Variants in GMDS observed in about 807,000 individuals in gnomAD.
GMDS encodes GDP-mannose 4,6 dehydratase.
In GMDS, 20 loss-of-function variants were observed where a neutral mutation model predicts 49.9. That is an observed-to-expected ratio of 0.40 (90% CI 0.28 to 0.58). The LOEUF is 0.58. Ranked by LOEUF, GMDS falls within the 20% of genes least tolerant of loss-of-function variation. GMDS has a pLI of 0.42. For missense variants in GMDS, 362 were observed against 481.4 expected (o/e 0.75, Z 2.32); for synonymous variants, 177 against 178.6 (o/e 0.99, Z 0.07).
rs76456177 is a variant in GMDS, at chr6:1,937,894, T to A, written c.644-7664A>T. Among the ~76,000 whole-genome samples, 10 of 152,272 alleles carry A rather than the reference T, an allele frequency of 6.6e-5. No individual in the cohort carries two copies. The East Asian group carries it at 1.7e-3, about 26-fold the overall frequency. On this transcript the variant is annotated intron_variant, in intron 6 of 10. Transcript: ENST00000380815. ...AACGAAGGTTTAGAATATTTGAGGC[T>A]AGGTGCGGTGGCTCATGCCTATAAT...
intron 7 of GMDS, among the ~76,000 whole-genome samples, chr6:1,871,087 C>T (rs1372672684): frequency 6.6e-6 from 1 of 150,870 alleles, no homozygotes; most frequent in Non-Finnish European, 1.5e-5. Context: ...CACACACACA[C>T]TTAAACCACT....
intron 4 of GMDS, among the ~76,000 whole-genome samples, chr6:1,989,150 A>G (rs1025519204): frequency 6.6e-6 from 1 of 152,252 alleles, no homozygotes; most frequent in African/African-American, 2.4e-5. Flanking sequence ...GGAATTTAGG[A>G]AAGTCCTACA....
chr6:2,019,874 T>C, intron 4 of GMDS, among the ~76,000 whole-genome samples: 1 of 152,214 alleles, frequency 6.6e-6, no homozygotes, highest in East Asian at 1.9e-4. Context: ...TCTACTGATA[T>C]GCTATATTAC....
chr6:1,957,708 G>C (rs1054574011), intron 6 of GMDS, among the ~76,000 whole-genome samples: 2 of 152,160 alleles, frequency 1.3e-5, no homozygotes, highest in African/African-American at 2.4e-5. Flanking sequence ...GTGGGTCTGA[G>C]GATAGGGCTG....
At chr6:1,984,687 T>C (rs994530760) in intron 4 of GMDS, among the ~76,000 whole-genome samples, 1 of 152,192 alleles carries the variant, frequency 6.6e-6, no homozygotes, top group African/African-American at 2.4e-5. Flanking sequence ...ACCAAAATTA[T>C]CTTTCTAAAT....
chr6:2,221,300 T>C (rs982937466), intron 1 of GMDS, among the ~76,000 whole-genome samples: 1 of 152,240 alleles, frequency 6.6e-6, no homozygotes, highest in East Asian at 1.9e-4. Flanking sequence ...TATCCATCTG[T>C]TTTGACTTCA....
intron 7 of GMDS, among the ~76,000 whole-genome samples, chr6:1,817,935 GA>G (rs1770736960): frequency 6.6e-6 from 1 of 151,970 alleles, no homozygotes; most frequent in South Asian, 2.1e-4. Context: ...GCAAAGGAAA[GA>G]AAAATTGTAA....
chr6:2,140,104 C>A (rs190874902), intron 1 of GMDS, among the ~76,000 whole-genome samples: 67 of 152,232 alleles, frequency 4.4e-4, no homozygotes, highest in African/African-American at 1.6e-3. Flanking sequence ...TGACTGATAC[C>A]TCATATTAGA....
chr6:2,243,694 C>A (rs1360170951), intron 1 of GMDS, among the ~76,000 whole-genome samples: 1 of 152,088 alleles, frequency 6.6e-6, no homozygotes, highest in Non-Finnish European at 1.5e-5. Context: ...AACTCAGATC[C>A]ACCTCTTACT....
At chr6:1,722,909 T>C (rs148931712) in intron 9 of GMDS, among the ~76,000 whole-genome samples, 13 of 152,328 alleles carry the variant, frequency 8.5e-5, no homozygotes, top group African/African-American at 3.1e-4. Flanking sequence ...TCAGGAGTGA[T>C]GGAAAATTTA....
intron 4 of GMDS, among the ~76,000 whole-genome samples, chr6:2,100,061 C>A (rs1006161256): frequency 6.6e-6 from 1 of 152,010 alleles, no homozygotes; most frequent in Non-Finnish European, 1.5e-5. Context: ...GATGGGAAAA[C>A]TGAGGCCCAG....
At chr6:1,816,850 C>T (rs1770692659) in intron 7 of GMDS, among the ~76,000 whole-genome samples, 1 of 150,922 alleles carries the variant, frequency 6.6e-6, no homozygotes, top group Admixed American at 6.6e-5. Flanking sequence ...GACCATAAGG[C>T]ACAGGTGGGG....
At chr6:1,910,971 C>G (rs996731615) in intron 7 of GMDS, among the ~76,000 whole-genome samples, 1 of 152,076 alleles carries the variant, frequency 6.6e-6, no homozygotes, top group Non-Finnish European at 1.5e-5. Context: ...ATTAAATGTA[C>G]CACTAAAAAG....
At chr6:2,064,882 C>T (rs994881165) in intron 4 of GMDS, among the ~76,000 whole-genome samples, 1 of 152,100 alleles carries the variant, frequency 6.6e-6, no homozygotes, top group African/African-American at 2.4e-5. Context: ...ATAAAGTTCA[C>T]AATAACCCAA....
chr6:1,876,832 C>G (rs966689675), intron 7 of GMDS, among the ~76,000 whole-genome samples: 1 of 152,128 alleles, frequency 6.6e-6, no homozygotes, highest in Admixed American at 6.5e-5. Context: ...ACAATTAATT[C>G]TCCTATGTAA....
chr6:1,630,871 A>G (rs1340181125), intron 9 of GMDS, among the ~76,000 whole-genome samples: 3 of 151,912 alleles, frequency 2.0e-5, no homozygotes, highest in South Asian at 2.1e-4. Flanking sequence ...CACTCTGACG[A>G]GCTGAGATGG....
chr6:1,777,188 C>T (rs998610715), intron 7 of GMDS, among the ~76,000 whole-genome samples: 25 of 152,258 alleles, frequency 1.6e-4, no homozygotes, highest in Non-Finnish European at 2.2e-4. Flanking sequence ...AAACAGGTTA[C>T]GTGGCTCCTG....
At chr6:1,995,713 T>C (rs1166648904) in intron 4 of GMDS, among the ~76,000 whole-genome samples, 1 of 152,190 alleles carries the variant, frequency 6.6e-6, no homozygotes, top group African/African-American at 2.4e-5. Flanking sequence ...GGTTACTTTC[T>C]GACATCACCA....
chr6:1,853,241 G>A (rs546976586), intron 7 of GMDS, among the ~76,000 whole-genome samples: 25 of 151,970 alleles, frequency 1.6e-4, no homozygotes, highest in African/African-American at 2.4e-4. Flanking sequence ...AAGGAGGGCC[G>A]GGCGCGGTGG....
Sources: allele counts gnomAD v4.1 joint callset (sites outside exome capture counted in the v4.1 genomes callset), GRCh38; gene constraint gnomAD v4.1.1; transcripts MANE v1.5; gene names NCBI Gene and HGNC (gene_info 2026-07-23, HGNC 2026-07-21).